The following MAGI1 variants were observed in gnomAD, a reference collection of about 807,000 sequenced individuals.
MAGI1 encodes membrane associated guanylate kinase, WW and PDZ domain containing 1.
A neutral mutation model predicts 139.9 loss-of-function variants in MAGI1; 58 were observed. The ratio of observed to expected loss-of-function variants is 0.41; its 90% CI spans 0.34 to 0.52. The LOEUF (loss-of-function observed/expected upper bound fraction) is 0.52. Among genes scored for constraint, MAGI1 ranks in the 20% least tolerant of loss-of-function variants. The pLI, the probability that MAGI1 is intolerant of heterozygous loss-of-function variation, is 0.12. For synonymous variants in MAGI1, 812 were observed against 737.9 expected (o/e 1.10, Z -1.63); for missense variants, 1,874 against 1,901.6 (o/e 0.99, Z 0.27).
intron 1 of MAGI1, among the ~76,000 whole-genome samples, chr3:65,963,274 T>G (rs940390595): frequency 4.4e-5 from 6 of 137,250 alleles, no homozygotes; most frequent in Non-Finnish European, 7.6e-5. Context: ...AGCGCACCAC[T>G]GCACTCCAGC....
chr3:65,495,946 G>A lies in MAGI1; in HGVS notation c.431-2315C>T, dbSNP rs188174135. Among the ~76,000 whole-genome samples, 7 of 152,266 alleles carry A rather than the reference G, an allele frequency of 4.6e-5. No homozygotes were observed. In the South Asian group the frequency reaches 1.0e-3, roughly 23 times the overall value. The stretch of plus-strand genomic sequence containing the variant: ...AAACGAAAGCAAGCGGCAAGATTAC[G>A]TAGGCCATAGAAAACACTTCATATT... On this transcript the variant is annotated intron_variant, in intron 2 of 22. Coordinates refer to ENST00000402939, the MANE Select transcript of MAGI1 (RefSeq NM_001033057.2).
At chr3:65,705,815 T>C (rs1316937786) in intron 1 of MAGI1, among the ~76,000 whole-genome samples, 4 of 152,202 alleles carry the variant, frequency 2.6e-5, no homozygotes, top group Non-Finnish European at 4.4e-5. Flanking sequence ...ACAGGGTTAA[T>C]GTATAGGTTT....
rs763326793 is a variant in MAGI1 at position 65,379,436 on chromosome 3, C to G, written c.2820G>C (p.Thr940=). The change falls in exon 17 of 23, where the codon ACG becomes ACC. Residue 940 remains threonine, a synonymous_variant. Coordinates refer to ENST00000402939, the MANE Select transcript of MAGI1 (RefSeq NM_001033057.2). ...TGGTGCTGCCGCTGCCCGAGCTCAC[C>G]GTGTTCAGCGAGTTCTGGCTGCCCT... ...TPQGSQNSLN[T]VSSGSGSTSG... 19 of 1,613,738 alleles carry G rather than the reference C, an allele frequency of 1.2e-5. No individual in the cohort carries two copies. In the East Asian group the frequency reaches 4.0e-4, roughly 34 times the overall value.
chr3:65,997,880 T>C (rs2066536033), intron 1 of MAGI1, among the ~76,000 whole-genome samples: 1 of 152,024 alleles, frequency 6.6e-6, no homozygotes, highest in Non-Finnish European at 1.5e-5. Flanking sequence ...AGTTGTTGGC[T>C]GGGTGTGGTG....
At chr3:65,496,871 T>C (rs568425033) in intron 2 of MAGI1, among the ~76,000 whole-genome samples, 3 of 152,280 alleles carry the variant, frequency 2.0e-5, no homozygotes, top group South Asian at 2.1e-4. Context: ...GGTCTATATT[T>C]TGAAGACAGA....
At chr3:65,948,054 G>A (rs530334635) in intron 1 of MAGI1, among the ~76,000 whole-genome samples, 5 of 148,150 alleles carry the variant, frequency 3.4e-5, no homozygotes, top group African/African-American at 1.3e-4. Flanking sequence ...CGATTGTCCT[G>A]CCTCAGCCTC....
chr3:65,711,281 GAGA>G (rs1362108380), intron 1 of MAGI1, among the ~76,000 whole-genome samples: 1 of 152,226 alleles, frequency 6.6e-6, no homozygotes, highest in East Asian at 1.9e-4. Context: ...AGGTCAAATA[GAGA>G]AGGACATTCA....
chr3:65,533,725 C>G (rs2078822633), intron 2 of MAGI1, among the ~76,000 whole-genome samples: 1 of 152,184 alleles, frequency 6.6e-6, no homozygotes, highest in East Asian at 1.9e-4. Flanking sequence ...CCCAATGAGG[C>G]AGCTTCTAAA....
intron 1 of MAGI1, among the ~76,000 whole-genome samples, chr3:65,647,551 A>G (rs2085332295): frequency 6.6e-6 from 1 of 152,194 alleles, no homozygotes; most frequent in Non-Finnish European, 1.5e-5. Context: ...AACAATATAC[A>G]CTATGACCAA....
At chr3:65,842,414 G>A (rs535726027) in intron 1 of MAGI1, among the ~76,000 whole-genome samples, 1 of 150,522 alleles carries the variant, frequency 6.6e-6, no homozygotes, top group South Asian at 2.1e-4. Flanking sequence ...AGGCTGGAGT[G>A]CAATGGCGCA....
intron 1 of MAGI1, among the ~76,000 whole-genome samples, chr3:65,657,090 T>C (rs2085921857): frequency 6.6e-6 from 1 of 151,962 alleles, no homozygotes; most frequent in Non-Finnish European, 1.5e-5. Context: ...ATGCCAAGTA[T>C]TGGGCTAAAA....
In MAGI1 at chr3:65,866,918, A is replaced by T. The variant is rs375979710; in HGVS notation, c.313+171078T>A. On this transcript the variant is annotated intron_variant, in intron 1 of 22. Transcript: ENST00000402939. ...TGGATGGTGGAGACTGTGGTCAATC[A>T]GCTGGACTGCTGCTGGCTGTCCCGG... 3.3e-5 allele frequency among the ~76,000 whole-genome samples: 5 copies of T among 152,318 alleles called. No homozygotes were observed. In the East Asian group the frequency reaches 5.8e-4, roughly 18 times the overall value.
chr3:65,375,696 GAGAGAGAGAAAA>G (rs754144175), intron 18 of MAGI1, 37 bp downstream of exon 18: 6 of 1,276,268 alleles, frequency 4.7e-6, no homozygotes, highest in African/African-American at 4.4e-5. Flanking sequence ...GACAGAGACA[GAGAGAGAGAAAA>G]AGAGAGAGAG....
chr3:65,618,569 T>A (rs976435783), intron 2 of MAGI1, among the ~76,000 whole-genome samples: 2 of 149,530 alleles, frequency 1.3e-5, no homozygotes, highest in African/African-American at 4.9e-5. Context: ...ATCAGAAACT[T>A]TTTTTTTTCT....
At chr3:66,015,168 C>T (rs2107524495) in intron 1 of MAGI1, among the ~76,000 whole-genome samples, 2 of 118,008 alleles carry the variant, frequency 1.7e-5, no homozygotes, top group South Asian at 5.3e-4. Flanking sequence ...TACAGTGAGA[C>T]CCTGTCTCTA....
chr3:65,727,806 G>A (rs775853618), intron 1 of MAGI1, among the ~76,000 whole-genome samples: 3 of 152,126 alleles, frequency 2.0e-5, no homozygotes, highest in Non-Finnish European at 2.9e-5. Context: ...TAGGCAAGAC[G>A]GAGCTTCTAT....
intron 1 of MAGI1, among the ~76,000 whole-genome samples, chr3:65,701,930 CG>C (rs1341983734): frequency 6.6e-6 from 1 of 152,074 alleles, no homozygotes; most frequent in African/African-American, 2.4e-5. Flanking sequence ...GCTTATCAAG[CG>C]CTATGCAAAT....
At chr3:65,938,289 A>C (rs1221054764) in intron 1 of MAGI1, among the ~76,000 whole-genome samples, 1 of 148,152 alleles carries the variant, frequency 6.7e-6, no homozygotes, top group Non-Finnish European at 1.5e-5. Flanking sequence ...ATTAATATGA[A>C]TATTATAATA....
rs549541874 is a variant in MAGI1 at position 65,939,638 on chromosome 3, G to A, written c.313+98358C>T. ...CATAGGCTATATAAAATACCAGCTCGTACTTCTCCATACTCAGACAGGCCC... is the reference window on the plus strand; with the variant it reads ...CATAGGCTATATAAAATACCAGCTCATACTTCTCCATACTCAGACAGGCCC... On this transcript the variant is annotated intron_variant, in intron 1 of 22. Transcript: ENST00000402939. 3.7e-4 allele frequency among the ~76,000 whole-genome samples: 57 copies of A among 152,178 alleles called. 1 individual carries two copies. The highest frequency in any genetic ancestry group is 2.5e-3 in the Admixed American group (38 of 15,284).
Sources: gnomAD v4.1 joint callset for allele counts (sites outside exome capture counted in the v4.1 genomes callset) on GRCh38, gnomAD v4.1.1 for gene constraint, MANE v1.5 for transcripts, NCBI Gene and HGNC (gene_info 2026-07-23, HGNC 2026-07-21) for gene names.